Variants in SEPTIN9 observed in about 807,000 individuals in gnomAD.
SEPTIN9 encodes septin-9.
A neutral mutation model predicts 56.6 loss-of-function variants in SEPTIN9; 13 were observed. That is an observed-to-expected ratio of 0.23 (90% CI 0.15 to 0.37). SEPTIN9 has a LOEUF of 0.37. SEPTIN9 is among the 10% of genes least tolerant of loss of function. The pLI, the probability that SEPTIN9 is intolerant of heterozygous loss-of-function variation, is 1.00. For missense variants in SEPTIN9, 650 were observed against 823.1 expected (o/e 0.79, Z 2.57); for synonymous variants, 332 against 334.1 (o/e 0.99, Z 0.07).
chr17:77,396,366 G>A (rs958684191), intron 2 of SEPTIN9, among the ~76,000 whole-genome samples: 5 of 152,244 alleles, frequency 3.3e-5, no homozygotes, highest in South Asian at 2.1e-4. Context: ...AGTTGGGCCT[G>A]TGGATCTGTG....
intron 3 of SEPTIN9, among the ~76,000 whole-genome samples, chr17:77,417,902 G>A (rs1001450980): frequency 2.6e-5 from 4 of 152,216 alleles, no homozygotes; most frequent in African/African-American, 9.7e-5. Context: ...CTGCACAGGC[G>A]TTGGTCATTA....
chr17:77,289,088 T>G (rs922282760), intron 1 of SEPTIN9, among the ~76,000 whole-genome samples: 15 of 152,158 alleles, frequency 9.9e-5, no homozygotes, highest in Non-Finnish European at 2.1e-4. Context: ...TTTTTTGTTT[T>G]GTTTGGTTTG....
chr17:77,315,911 G>T (rs539185522), intron 2 of SEPTIN9, among the ~76,000 whole-genome samples: 1 of 152,196 alleles, frequency 6.6e-6, no homozygotes, highest in Non-Finnish European at 1.5e-5. Context: ...CCCACTCCAG[G>T]GTGTGGGCAG....
At position 77,346,278 on chromosome 17, in the gene SEPTIN9, CTTTTTTTT is replaced by C. The variant is rs577131369; in HGVS notation, c.76+39103_76+39110del. The stretch of plus-strand genomic sequence containing the variant: ...AGATTCTTAAAGCAGATCCTTAGGT[CTTTTTTTT>C]TTTTTTTTTTTTTTTTTTTTTACTT... On this transcript the variant is annotated intron_variant, in intron 2 of 11. Transcript: ENST00000427177. Among the ~76,000 whole-genome samples, 18 of 46,318 alleles carry C rather than the reference CTTTTTTTT, an allele frequency of 3.9e-4. No homozygotes were observed. The East Asian group carries it at 6.1e-3, about 16-fold the overall frequency. The allele number at this position is 46,318 out of a possible 152,430, so 30.4% of individuals were successfully genotyped here. A position where few individuals can be genotyped will look rare whatever the true frequency, so the allele number is the denominator to read the frequency against.
At position 77,492,418 on chromosome 17, in the gene SEPTIN9, C is replaced by T. The variant is rs901449203; in HGVS notation, c.1381-203C>T. On this transcript the variant is annotated intron_variant, in intron 8 of 11. Transcript: ENST00000427177. This position sits in a 1 kb window ranked among gnomAD's most constrained non-coding sequence, Gnocchi z 5.4. Reference sequence around the variant, plus strand: ...GCCCCTGGGGAGTTGCAGCGTCGCTCAGGACAGCAGGTGCACCTGCAGCTG... The same window carrying T: ...GCCCCTGGGGAGTTGCAGCGTCGCTTAGGACAGCAGGTGCACCTGCAGCTG... 3.3e-5 allele frequency among the ~76,000 whole-genome samples: 5 copies of T among 152,062 alleles called. No homozygotes were observed. Among genetic ancestry groups the T allele is most frequent in the Non-Finnish European group, 5.9e-5 (4 of 67,998 alleles).
At position 77,458,370 on chromosome 17, in the gene SEPTIN9, C is replaced by T. The variant is rs180702656; in HGVS notation, c.722-23774C>T. On this transcript the variant is annotated intron_variant, in intron 3 of 11. Coordinates refer to ENST00000427177, the MANE Select transcript of SEPTIN9 (RefSeq NM_001113491.2). ...CCCTGCCTTGTTCCAGCCCCGGCACCGCCGCTGTCCTTGTGCTCAGTGGAG... is the reference window on the plus strand; with the variant it reads ...CCCTGCCTTGTTCCAGCCCCGGCACTGCCGCTGTCCTTGTGCTCAGTGGAG... 2.7e-3 allele frequency among the ~76,000 whole-genome samples: 413 copies of T among 152,280 alleles called. 2 individuals carry two copies. The highest frequency in any genetic ancestry group is 7.9e-3 in the African/African-American group (328 of 41,558).
rs532387713 is a variant in SEPTIN9, at chr17:77,490,781, C to G, written c.1302C>G (p.Ser434Arg). 1 of 1,591,780 alleles carries G rather than the reference C, an allele frequency of 6.3e-7. No homozygotes were observed. The highest frequency in any genetic ancestry group is 2.3e-5 in the East Asian group (1 of 43,862). Residue 434 changes from serine to arginine, a missense_variant, in exon 8 of 12, where the codon AGC becomes AGG. Around this residue, in one of 2 missense-constraint regions of SEPTIN9, gnomAD observed 333 missense variants for 494.0 expected, o/e 0.67. Coordinates refer to ENST00000427177, the MANE Select transcript of SEPTIN9 (RefSeq NM_001113491.2). Reference sequence around the variant, plus strand: ...ACATCGAGTTTATGAAACGCCTGAGCAAGGTGGTCAACATCGTCCCTGTCA... The same window carrying G: ...ACATCGAGTTTATGAAACGCCTGAGGAAGGTGGTCAACATCGTCCCTGTCA... Reference protein sequence around the residue: ...PLDIEFMKRLSKVVNIVPVIA... With the variant: ...PLDIEFMKRLRKVVNIVPVIA...
At chr17:77,428,988 G>A (rs2037020110) in intron 3 of SEPTIN9, 1 of 471,132 alleles carries the variant, frequency 2.1e-6, no homozygotes. Flanking sequence ...TATAATAAGT[G>A]GTAAGCCGTC....
chr17:77,479,778 G>T (rs528568409), intron 3 of SEPTIN9, among the ~76,000 whole-genome samples: 559 of 152,150 alleles, frequency 3.7e-3, no homozygotes, highest in Non-Finnish European at 6.0e-3. Flanking sequence ...GGGATGCTGG[G>T]GGGAGGTGGG....
At chr17:77,314,745 C>T (rs1313172314) in intron 2 of SEPTIN9, among the ~76,000 whole-genome samples, 11 of 152,222 alleles carry the variant, frequency 7.2e-5, no homozygotes, top group African/African-American at 2.4e-4. Context: ...CTGCTGCCCA[C>T]ATCAGTGTCA....
chr17:77,449,597 T>G lies in SEPTIN9; in HGVS notation c.722-32547T>G, dbSNP rs1181849599. On this transcript the variant is annotated intron_variant, in intron 3 of 11. Transcript: ENST00000427177. The surrounding 1 kb of genome is among the most constrained non-coding windows in gnomAD (Gnocchi z 4.6). ...GGGAGAGGCCCACGGGGCAGGGGCG[T>G]GGTGGGAGCTGCATCCTCGAGGCTT... is the stretch of plus-strand genomic sequence containing the variant. Among the ~76,000 whole-genome samples, 1 of 151,818 alleles carries G rather than the reference T, an allele frequency of 6.6e-6. No homozygotes were observed. Among genetic ancestry groups the G allele is most frequent in the African/African-American group, 2.4e-5 (1 of 41,296 alleles).
At chr17:77,396,046 T>A (rs1160988785) in intron 2 of SEPTIN9, among the ~76,000 whole-genome samples, 1 of 152,064 alleles carries the variant, frequency 6.6e-6, no homozygotes, top group Non-Finnish European at 1.5e-5. Context: ...CCAGGGAGGC[T>A]TTTGGGAGCT....
Position 77,345,489 on chromosome 17 carries a change from A to C in SEPTIN9, c.76+38292A>C, listed in dbSNP as rs566308159. 2.4e-3 allele frequency among the ~76,000 whole-genome samples: 362 copies of C among 152,222 alleles called. 1 individual carries two copies. The highest frequency in any genetic ancestry group is 3.6e-3 in the Non-Finnish European group (243 of 68,008). On this transcript the variant is annotated intron_variant, in intron 2 of 11. Transcript: ENST00000427177. ...AGAAACCTGCAGCCTACTGGTAACAAAAAGGTTCTTGCCAGAAGGTGTAGA... is the reference window on the plus strand; with the variant it reads ...AGAAACCTGCAGCCTACTGGTAACACAAAGGTTCTTGCCAGAAGGTGTAGA...
rs1424054463 is a variant in SEPTIN9, at chr17:77,449,131, C to G, written c.722-33013C>G. 2.0e-5 allele frequency among the ~76,000 whole-genome samples: 3 copies of G among 152,144 alleles called. No homozygotes were observed. The highest frequency in any genetic ancestry group is 2.0e-4 in the Admixed American group (3 of 15,266). On this transcript the variant is annotated intron_variant, in intron 3 of 11. Coordinates refer to ENST00000427177, the MANE Select transcript of SEPTIN9 (RefSeq NM_001113491.2). The surrounding 1 kb of genome is among the most constrained non-coding windows in gnomAD (Gnocchi z 4.6). ...GGTGCTGGAAAATGTAAGGTTGCGT[C>G]TGTGGCCCATGTGCCGTTTCTGCTG...
chr17:77,385,836 C>T (rs1253459270), intron 2 of SEPTIN9, among the ~76,000 whole-genome samples: 1 of 152,180 alleles, frequency 6.6e-6, no homozygotes, highest in Non-Finnish European at 1.5e-5. Flanking sequence ...TTGACCTCTG[C>T]CCAGGAGGGT....
chr17:77,381,460 C>G (rs1031309407), intron 2 of SEPTIN9, among the ~76,000 whole-genome samples: 3 of 150,486 alleles, frequency 2.0e-5, no homozygotes, highest in African/African-American at 7.3e-5. Context: ...CTTGGCCCCG[C>G]TTTCCACGTG....
At position 77,326,287 on chromosome 17, in the gene SEPTIN9, C is replaced by T. The variant is rs2033137507; in HGVS notation, c.76+19090C>T. 6.6e-6 allele frequency among the ~76,000 whole-genome samples: 1 copy of T among 152,250 alleles called. No homozygotes were observed. Among genetic ancestry groups the T allele is most frequent in the Non-Finnish European group, 1.5e-5 (1 of 68,042 alleles). On this transcript the variant is annotated intron_variant, in intron 2 of 11. Coordinates refer to ENST00000427177, the MANE Select transcript of SEPTIN9 (RefSeq NM_001113491.2). This position sits in a 1 kb window ranked among gnomAD's most constrained non-coding sequence, Gnocchi z 5.1. ...GTCCCGTGGAGGACAAAGCCAGACA[C>T]AGTCCTTGCCCTCATGGGACTGCAC...
At chr17:77,409,214 C>T (rs917418800) in intron 3 of SEPTIN9, among the ~76,000 whole-genome samples, 59 of 152,192 alleles carry the variant, frequency 3.9e-4, no homozygotes, top group African/African-American at 1.4e-3. Flanking sequence ...CAAGTACCCT[C>T]CTTCTCCGAA....
Position 77,445,447 on chromosome 17 carries a change from GC to G in SEPTIN9, c.722-36696del. On this transcript the variant is annotated intron_variant, in intron 3 of 11. Transcript: ENST00000427177. This position sits in a 1 kb window ranked among gnomAD's most constrained non-coding sequence, Gnocchi z 4.7. ...GGCTGAGCTCTGTGCTCACAACCTGGCTTGGTGGTGGCCGAGGAGCTTGGCA... is the reference window on the plus strand; with the variant it reads ...GGCTGAGCTCTGTGCTCACAACCTGGTTGGTGGTGGCCGAGGAGCTTGGCA... The G allele has an allele frequency of 4.3e-6, 2 of 469,894 alleles. No individual in the cohort carries two copies. The highest frequency in any genetic ancestry group is 8.8e-6 in the Non-Finnish European group (2 of 226,628). The allele number at this position is 469,894 out of a possible 1,614,324, so 29.1% of individuals were successfully genotyped here. A position where few individuals can be genotyped will look rare whatever the true frequency, so the allele number is the denominator to read the frequency against.
Sources: allele counts gnomAD v4.1 joint callset (sites outside exome capture counted in the v4.1 genomes callset), GRCh38; gene constraint gnomAD v4.1.1; regional missense constraint gnomAD v4.1.1; non-coding constraint Gnocchi (gnomAD v3.1); transcripts MANE v1.5; gene names NCBI Gene and HGNC (gene_info 2026-07-23, HGNC 2026-07-21).